Variants in MKLN1 observed in about 807,000 individuals in gnomAD.
MKLN1 encodes muskelin.
MKLN1 carries 18 observed loss-of-function variants against 99.0 expected under a neutral mutation model. That is an observed-to-expected ratio of 0.18 (90% confidence interval 0.13 to 0.27). The LOEUF is 0.27. MKLN1 is among the 10% of genes least tolerant of loss of function. The pLI, the probability that MKLN1 is intolerant of heterozygous loss-of-function variation, is 1.00. For missense variants in MKLN1, 621 were observed against 875.9 expected, an observed-to-expected ratio of 0.71 and a Z score of 3.67; for synonymous variants, 288 against 293.2, an observed-to-expected ratio of 0.98 and a Z score of 0.18.
At chr7:131,398,972 A>G (rs1292546006) in intron 5 of MKLN1, among the ~76,000 whole-genome samples, 1 of 152,198 alleles carries the variant, frequency 6.6e-6, no homozygotes, top group Admixed American at 6.5e-5. Context: ...CCCTTTCTTC[A>G]AAGTTGAGGC....
chr7:131,308,371 C>T (rs1798501211), intron 3 of MKLN1, among the ~76,000 whole-genome samples: 1 of 150,890 alleles, frequency 6.6e-6, no homozygotes, highest in Non-Finnish European at 1.5e-5. Flanking sequence ...AAGTGATTCT[C>T]CTCTCTCAGC....
At position 131,297,861 on chromosome 7, in the gene MKLN1, A is replaced by G. The variant is rs528199897; in HGVS notation, c.-178-77563A>G. Among the ~76,000 whole-genome samples, 25 of 152,370 alleles carry G rather than the reference A, an allele frequency of 1.6e-4. 1 individual carries two copies. Among genetic ancestry groups the G allele is most frequent in the African/African-American group, 5.8e-4 (24 of 41,592 alleles). Reference sequence around the variant, plus strand: ...ACCAAGTTCATCCTTGAAGCAGCTCAGGTTCAGCCTTTAGCCAGACTCCTA... The same window carrying G: ...ACCAAGTTCATCCTTGAAGCAGCTCGGGTTCAGCCTTTAGCCAGACTCCTA... On this transcript the variant is annotated intron_variant, in intron 3 of 7. Transcript: ENST00000416992.
At chr7:131,185,543 A>G (rs970184620) in intron 2 of MKLN1, among the ~76,000 whole-genome samples, 1 of 152,032 alleles carries the variant, frequency 6.6e-6, no homozygotes, top group Non-Finnish European at 1.5e-5. Flanking sequence ...GCACCACTGC[A>G]CTCCAGCCTG....
intron 3 of MKLN1, among the ~76,000 whole-genome samples, chr7:131,277,191 G>T (rs552514555): frequency 6.6e-6 from 1 of 152,268 alleles, no homozygotes; most frequent in East Asian, 1.9e-4. Context: ...GTTGATTAAT[G>T]TACAAATATA....
chr7:131,478,338 T>A (rs1296422436), intron 16 of MKLN1: 6 of 313,564 alleles, frequency 1.9e-5, no homozygotes, highest in African/African-American at 1.3e-4. Flanking sequence ...TTTGTTGTGC[T>A]GTTGTTCCTT....
At chr7:131,205,390 T>G (rs1863013) in intron 3 of MKLN1, among the ~76,000 whole-genome samples, 70,610 of 151,924 alleles carry the variant, frequency 0.46, 17,152 homozygotes, top group South Asian at 0.61. Flanking sequence ...TGTTTTCCGA[T>G]CGCTTCTTGG....
intron 3 of MKLN1, among the ~76,000 whole-genome samples, chr7:131,229,537 T>TGC: frequency 5.7e-5 from 1 of 17,448 alleles, no homozygotes; most frequent in East Asian, 1.1e-3. Context: ...TTTTCAGACA[T>TGC]GTGTGTGTGT....
At chr7:131,145,432 A>G (rs546719222) in intron 2 of MKLN1, among the ~76,000 whole-genome samples, 10 of 152,300 alleles carry the variant, frequency 6.6e-5, no homozygotes, top group African/African-American at 2.4e-4. Context: ...ATTAATAGAA[A>G]TGTAACGTTC....
chr7:131,461,257 T>G (rs1439087249), intron 12 of MKLN1, among the ~76,000 whole-genome samples: 2 of 29,722 alleles, frequency 6.7e-5, no homozygotes, highest in Non-Finnish European at 1.4e-4. Context: ...TTGTTTGCGG[T>G]TTTTTTTTTT....
chr7:131,187,542 A>T (rs1009231596), intron 2 of MKLN1, among the ~76,000 whole-genome samples: 1 of 152,220 alleles, frequency 6.6e-6, no homozygotes, highest in African/African-American at 2.4e-5. Context: ...TGGCTGCTTT[A>T]GTGCTATAAC....
intron 3 of MKLN1, among the ~76,000 whole-genome samples, chr7:131,261,882 A>T (rs977297274): frequency 6.6e-6 from 1 of 152,212 alleles, no homozygotes; most frequent in Non-Finnish European, 1.5e-5. Flanking sequence ...TACTAAGCGA[A>T]CTATTAATAA....
At chr7:131,247,179 G>C (rs1797501636) in intron 3 of MKLN1, among the ~76,000 whole-genome samples, 1 of 151,842 alleles carries the variant, frequency 6.6e-6, no homozygotes. Flanking sequence ...ACATGAAGCA[G>C]AGTTGGAAGA....
intron 3 of MKLN1, among the ~76,000 whole-genome samples, chr7:131,228,999 A>G (rs1242884305): frequency 6.6e-6 from 1 of 152,210 alleles, no homozygotes. Flanking sequence ...TGGTCAGGTT[A>G]TAGTCTGGTT....
intron 3 of MKLN1, among the ~76,000 whole-genome samples, chr7:131,250,532 G>A (rs971675079): frequency 2.0e-5 from 3 of 152,202 alleles, no homozygotes; most frequent in African/African-American, 7.2e-5. Flanking sequence ...TTTCCATGGA[G>A]ATGTGGTGTA....
chr7:131,179,816 C>A (rs997399636), intron 2 of MKLN1, among the ~76,000 whole-genome samples: 3 of 152,060 alleles, frequency 2.0e-5, no homozygotes, highest in Admixed American at 1.3e-4. Flanking sequence ...CCTTGTGATC[C>A]GCCTGCCTCG....
At chr7:131,147,615 C>T (rs757397294) in intron 2 of MKLN1, among the ~76,000 whole-genome samples, 5 of 152,142 alleles carry the variant, frequency 3.3e-5, no homozygotes, top group Admixed American at 6.5e-5. Flanking sequence ...ACATCATCAC[C>T]ATTTTATAAA....
Position 131,327,971 on chromosome 7 carries a change from C to G in MKLN1, c.72C>G (p.Ser24Arg), listed in dbSNP as rs185909078. 6.2e-7 allele frequency: 1 copy of G among 1,613,910 alleles called. No homozygotes were observed. Among genetic ancestry groups the G allele is most frequent in the African/African-American group, 1.3e-5 (1 of 75,040 alleles). ...RLLPYALHKW[S>R]SFSSTYLPEN... is the part of the protein sequence containing the mutation. ...TCCCCTACGCGCTACACAAGTGGAG[C>G]TCCTTTTCCTCCACCTACCTTCCCG... The change falls in exon 1 of 18, where the codon AGC becomes AGG. Residue 24 changes from serine (S) to arginine (R), a missense_variant. Ser to Arg is a moderately radical substitution (Grantham distance 110). Coordinates refer to ENST00000352689, the MANE Select transcript of MKLN1 (RefSeq NM_013255.5).
intron 6 of MKLN1, among the ~76,000 whole-genome samples, chr7:131,407,412 T>A (rs999642543): frequency 3.3e-5 from 5 of 152,034 alleles, no homozygotes; most frequent in Admixed American, 2.0e-4. Context: ...ATTCATTTGC[T>A]ACTTTAAAAA....
chr7:131,158,636 C>T (rs1339370580), intron 2 of MKLN1, among the ~76,000 whole-genome samples: 4 of 152,168 alleles, frequency 2.6e-5, no homozygotes, highest in Non-Finnish European at 5.9e-5. Context: ...TGTTTAATGC[C>T]ACCAGCTTCT....
Sources: allele counts gnomAD v4.1 joint callset (sites outside exome capture counted in the v4.1 genomes callset), GRCh38; gene constraint gnomAD v4.1.1; transcripts MANE v1.5; gene names NCBI Gene and HGNC (gene_info 2026-07-23, HGNC 2026-07-21).